Variants in C1orf21 observed in about 807,000 individuals in gnomAD.
C1orf21 encodes uncharacterized protein C1orf21.
In C1orf21, 3 loss-of-function variants were observed where a neutral mutation model predicts 18.7. That is an observed-to-expected ratio of 0.16 (90% CI 0.07 to 0.42). The LOEUF (loss-of-function observed/expected upper bound fraction) is 0.42. C1orf21 is among the 10% of genes least tolerant of loss of function. The pLI is 0.99. For missense variants in C1orf21, 104 were observed against 143.6 expected (o/e 0.72, Z 1.41); for synonymous variants, 41 against 46.4 (o/e 0.88, Z 0.47).
chr1:184,560,868 G>A (rs1305211917), intron 3 of C1orf21, among the ~76,000 whole-genome samples: 3 of 152,158 alleles, frequency 2.0e-5, no homozygotes, highest in Non-Finnish European at 4.4e-5. Flanking sequence ...GGTGACTAAT[G>A]GCAGCTCTGA....
intron 1 of C1orf21, among the ~76,000 whole-genome samples, chr1:184,429,146 C>T (rs753934289): frequency 2.0e-5 from 3 of 152,182 alleles, no homozygotes; most frequent in African/African-American, 7.2e-5. Flanking sequence ...AATTCAACAG[C>T]GATTTGGTCC....
At chr1:184,422,659 C>A (rs914791130) in intron 1 of C1orf21, among the ~76,000 whole-genome samples, 1 of 152,218 alleles carries the variant, frequency 6.6e-6, no homozygotes, top group Non-Finnish European at 1.5e-5. Flanking sequence ...GCACACTATT[C>A]AGCATGCGGT....
chr1:184,480,833 ACTCG>A (rs1411950133), intron 2 of C1orf21, among the ~76,000 whole-genome samples: 2 of 151,948 alleles, frequency 1.3e-5, no homozygotes, highest in Non-Finnish European at 2.9e-5. Context: ...GGTCTGCGTG[ACTCG>A]CTTTCGTGCT....
chr1:184,463,205 G>A lies in C1orf21; in HGVS notation c.-124-14181G>A, dbSNP rs1005817298. Among the ~76,000 whole-genome samples the A allele has an allele frequency of 3.9e-5, 6 of 152,038 alleles. No homozygotes were observed. The South Asian group carries it at 8.3e-4, about 21-fold the overall frequency. ...GCTATGACCTAGACTTGTAATAAAA[G>A]TCAACTGATGCAGTTGTGCATGCTG... is the stretch of plus-strand genomic sequence containing the variant. On this transcript the variant is annotated intron_variant, in intron 1 of 5. Transcript: ENST00000235307.
At chr1:184,484,192 G>A (rs554245790) in intron 2 of C1orf21, among the ~76,000 whole-genome samples, 1 of 152,100 alleles carries the variant, frequency 6.6e-6, no homozygotes, top group African/African-American at 2.4e-5. Context: ...GCCTCCCAAA[G>A]TGCTAAGATT....
chr1:184,520,327 G>T (rs527765495), intron 3 of C1orf21, among the ~76,000 whole-genome samples: 5 of 152,100 alleles, frequency 3.3e-5, no homozygotes, highest in Non-Finnish European at 7.3e-5. Flanking sequence ...ACTTCTTTTA[G>T]AATTTTTACA....
At chr1:184,410,663 A>ATATT (rs67546366) in intron 1 of C1orf21, among the ~76,000 whole-genome samples, 10 of 7,664 alleles carry the variant, frequency 1.3e-3, no homozygotes, top group Non-Finnish European at 1.9e-3. Context: ...ATATATATAT[A>ATATT]TTTTTTTTTT....
intron 1 of C1orf21, among the ~76,000 whole-genome samples, chr1:184,438,365 C>T (rs2101973804): frequency 6.6e-6 from 1 of 152,340 alleles, no homozygotes; most frequent in Middle Eastern, 3.4e-3. Context: ...TTGTCTGCAT[C>T]ACCCAGGGAA....
At chr1:184,557,687 T>G (rs1658897987) in intron 3 of C1orf21, among the ~76,000 whole-genome samples, 1 of 152,236 alleles carries the variant, frequency 6.6e-6, no homozygotes, top group Non-Finnish European at 1.5e-5. Flanking sequence ...TTTTTGCAAT[T>G]GCTAATTGTG....
chr1:184,616,070 C>G (rs1659819873), intron 5 of C1orf21, among the ~76,000 whole-genome samples: 1 of 152,188 alleles, frequency 6.6e-6, no homozygotes, highest in African/African-American at 2.4e-5. Context: ...TGCCCCAAGC[C>G]TACTATCCTT....
chr1:184,616,842 C>T (rs1244019624), intron 5 of C1orf21, among the ~76,000 whole-genome samples: 1 of 152,160 alleles, frequency 6.6e-6, no homozygotes, highest in East Asian at 1.9e-4. Context: ...TTTGAGGCCT[C>T]ATTTAGTCAC....
At chr1:184,515,090 A>G (rs115007271) in intron 3 of C1orf21, among the ~76,000 whole-genome samples, 1,895 of 152,296 alleles carry the variant, frequency 0.012, 42 homozygotes, top group African/African-American at 0.044. Context: ...TGAAAATTAA[A>G]TAAGGTATAC....
intron 1 of C1orf21, among the ~76,000 whole-genome samples, chr1:184,413,013 A>G (rs896663966): frequency 7.2e-5 from 11 of 152,156 alleles, no homozygotes; most frequent in Admixed American, 6.5e-4. Flanking sequence ...GCAAGCATGG[A>G]GCATTGTGAG....
chr1:184,443,694 G>C (rs1452708311), intron 1 of C1orf21, among the ~76,000 whole-genome samples: 1 of 152,144 alleles, frequency 6.6e-6, no homozygotes, highest in African/African-American at 2.4e-5. Context: ...CCTCCCTCAA[G>C]CCTGCAGGGA....
intron 3 of C1orf21, among the ~76,000 whole-genome samples, chr1:184,517,643 G>A (rs1347533351): frequency 2.0e-5 from 3 of 152,040 alleles, no homozygotes; most frequent in Non-Finnish European, 4.4e-5. Flanking sequence ...GGCTGGGTGG[G>A]GCTGGGATGA....
intron 3 of C1orf21, among the ~76,000 whole-genome samples, chr1:184,508,237 A>C (rs533318282): frequency 1.5e-4 from 23 of 152,290 alleles, no homozygotes; most frequent in African/African-American, 5.3e-4. Context: ...GGAAGTTAGG[A>C]ATCCCTTTTT....
At chr1:184,431,002 A>G (rs1557970535) in intron 1 of C1orf21, among the ~76,000 whole-genome samples, 1 of 152,200 alleles carries the variant, frequency 6.6e-6, no homozygotes, top group Admixed American at 6.5e-5. Flanking sequence ...GGTGCTTCAC[A>G]TCCCTTGTAA....
intron 2 of C1orf21, among the ~76,000 whole-genome samples, chr1:184,503,762 C>T (rs1466905189): frequency 6.6e-6 from 1 of 152,190 alleles, no homozygotes; most frequent in Non-Finnish European, 1.5e-5. Context: ...CCCATTCCTT[C>T]CAAGCTTTGC....
chr1:184,572,026 A>G (rs1659120157), intron 3 of C1orf21, among the ~76,000 whole-genome samples: 1 of 152,324 alleles, frequency 6.6e-6, no homozygotes, highest in Non-Finnish European at 1.5e-5. Flanking sequence ...CTCTTACCAC[A>G]TGGCAGGACT....
Sources: gnomAD v4.1 joint callset for allele counts (sites outside exome capture counted in the v4.1 genomes callset) on GRCh38, gnomAD v4.1.1 for gene constraint, MANE v1.5 for transcripts, NCBI Gene and HGNC (gene_info 2026-07-23, HGNC 2026-07-21) for gene names.